Variants in AGBL4 observed in about 807,000 individuals in gnomAD.
AGBL4 encodes cytosolic carboxypeptidase 6.
In AGBL4, 58 loss-of-function variants were observed where a neutral mutation model predicts 66.4. The ratio of observed to expected loss-of-function variants is 0.87; its 90% CI spans 0.71 to 1.09. The LOEUF (loss-of-function observed/expected upper bound fraction) is 1.09. AGBL4 is among the 50% of genes least tolerant of loss of function. AGBL4 has a pLI of 0.00. For missense variants in AGBL4, 579 were observed against 631.0 expected, an observed-to-expected ratio of 0.92 and a Z score of 0.88; for synonymous variants, 234 against 222.9, an observed-to-expected ratio of 1.05 and a Z score of -0.44.
At chr1:49,437,901 A>G (rs115706931) in intron 3 of AGBL4, among the ~76,000 whole-genome samples, 1,663 of 152,218 alleles carry the variant, frequency 0.011, 27 homozygotes, top group African/African-American at 0.038. Context: ...TAAACAGTAT[A>G]TCTTATATTT....
intron 3 of AGBL4, among the ~76,000 whole-genome samples, chr1:49,562,260 C>T (rs2148855681): frequency 6.6e-6 from 1 of 152,142 alleles, no homozygotes; most frequent in East Asian, 1.9e-4. Context: ...CTGTAGGTTG[C>T]CTGTTCACTC....
chr1:49,941,075 G>A (rs998188991), intron 1 of AGBL4, among the ~76,000 whole-genome samples: 4 of 152,000 alleles, frequency 2.6e-5, no homozygotes, highest in Non-Finnish European at 5.9e-5. Context: ...AGGAGAAACT[G>A]GTAATCCCTA....
intron 4 of AGBL4, among the ~76,000 whole-genome samples, chr1:49,177,957 G>A (rs1419576529): frequency 6.6e-6 from 1 of 152,110 alleles, no homozygotes; most frequent in Non-Finnish European, 1.5e-5. Context: ...ACATCTTCAG[G>A]TTTCACATGG....
chr1:49,939,651 T>C (rs1241039733), intron 1 of AGBL4, among the ~76,000 whole-genome samples: 3 of 152,322 alleles, frequency 2.0e-5, no homozygotes, highest in African/African-American at 4.8e-5. Flanking sequence ...GCTAGCCATA[T>C]GTAGAAAGCT....
chr1:48,793,144 G>A (rs1349535615), intron 6 of AGBL4, among the ~76,000 whole-genome samples: 1 of 152,166 alleles, frequency 6.6e-6, no homozygotes. Context: ...CTCTCCAGCT[G>A]TGTCTCTAGG....
At chr1:49,335,728 G>A (rs1010386090) in intron 3 of AGBL4, among the ~76,000 whole-genome samples, 6 of 152,060 alleles carry the variant, frequency 3.9e-5, no homozygotes, top group African/African-American at 1.4e-4. Flanking sequence ...TGTTAGTCAG[G>A]ATGGTCTCAA....
chr1:48,771,569 A>G (rs1179842654), intron 6 of AGBL4, among the ~76,000 whole-genome samples: 1 of 152,236 alleles, frequency 6.6e-6, no homozygotes, highest in East Asian at 1.9e-4. Context: ...ACAGCAGGCA[A>G]TTTCCAATCT....
chr1:49,931,263 T>C (rs1321619983), intron 1 of AGBL4, among the ~76,000 whole-genome samples: 10 of 152,124 alleles, frequency 6.6e-5, no homozygotes, highest in Non-Finnish European at 1.5e-4. Flanking sequence ...CTTAAATAAA[T>C]GAAGATATAC....
intron 3 of AGBL4, among the ~76,000 whole-genome samples, chr1:49,406,228 T>C (rs1466595131): frequency 6.6e-6 from 1 of 152,220 alleles, no homozygotes; most frequent in Non-Finnish European, 1.5e-5. Context: ...TATTTTGTAG[T>C]GACTCTTAAA....
intron 1 of AGBL4, among the ~76,000 whole-genome samples, chr1:50,012,900 A>G (rs1661660338): frequency 6.6e-6 from 1 of 152,210 alleles, no homozygotes; most frequent in Non-Finnish European, 1.5e-5. Flanking sequence ...GTAAGGATGT[A>G]CAAATAATAA....
chr1:49,044,230 G>T (rs1272217338), intron 5 of AGBL4, among the ~76,000 whole-genome samples: 1 of 152,094 alleles, frequency 6.6e-6, no homozygotes, highest in Non-Finnish European at 1.5e-5. Context: ...GGGTACGGTG[G>T]CTCACATCTG....
chr1:49,337,501 A>T lies in AGBL4; in HGVS notation c.283-91637T>A, dbSNP rs575114251. Reference sequence around the variant, plus strand: ...GGCAGTCAGGATTGTCAGTTAACAGATGGGAATCTTGCTCTTGGAGCACTT... The same window carrying T: ...GGCAGTCAGGATTGTCAGTTAACAGTTGGGAATCTTGCTCTTGGAGCACTT... On this transcript the variant is annotated intron_variant, in intron 3 of 13. Coordinates refer to ENST00000371839, the MANE Select transcript of AGBL4 (RefSeq NM_032785.4). 5.9e-5 allele frequency among the ~76,000 whole-genome samples: 9 copies of T among 152,278 alleles called. No homozygotes were observed. The South Asian group carries it at 1.7e-3, about 28-fold the overall frequency.
At chr1:49,707,181 C>T (rs1157385784) in intron 2 of AGBL4, among the ~76,000 whole-genome samples, 5 of 151,902 alleles carry the variant, frequency 3.3e-5, no homozygotes, top group Non-Finnish European at 2.9e-5. Flanking sequence ...GGGAGTCTGT[C>T]TCTTTGTAGG....
At chr1:48,708,496 T>A (rs537293871) in intron 6 of AGBL4, among the ~76,000 whole-genome samples, 1 of 151,982 alleles carries the variant, frequency 6.6e-6, no homozygotes, top group South Asian at 2.1e-4. Flanking sequence ...AGAAGGACAG[T>A]GGGATGACAG....
At chr1:49,170,173 A>G (rs4620583) in intron 4 of AGBL4, among the ~76,000 whole-genome samples, 123 of 144,192 alleles carry the variant, frequency 8.5e-4, no homozygotes, top group African/African-American at 2.2e-3. Flanking sequence ...ATATAAATAT[A>G]TTATAAATTT....
chr1:48,931,588 T>A (rs1361392183), intron 5 of AGBL4, among the ~76,000 whole-genome samples: 3 of 152,152 alleles, frequency 2.0e-5, no homozygotes, highest in African/African-American at 7.2e-5. Context: ...GGTGTGATCA[T>A]GACTAACTGC....
intron 4 of AGBL4, among the ~76,000 whole-genome samples, chr1:49,141,479 T>C (rs965770475): frequency 6.6e-6 from 1 of 152,164 alleles, no homozygotes; most frequent in Admixed American, 6.5e-5. Flanking sequence ...ATGGTGCTTA[T>C]CCTTGCAGAA....
intron 4 of AGBL4, among the ~76,000 whole-genome samples, chr1:49,207,826 G>A (rs1025007911): frequency 4.6e-5 from 7 of 151,588 alleles, no homozygotes; most frequent in South Asian, 4.2e-4. Flanking sequence ...GGGCTTAAGC[G>A]ATCCTCCCAC....
At chr1:49,997,959 T>C (rs375074467) in intron 1 of AGBL4, among the ~76,000 whole-genome samples, 5 of 151,910 alleles carry the variant, frequency 3.3e-5, no homozygotes, top group Non-Finnish European at 7.4e-5. Flanking sequence ...TGAATGATCA[T>C]TGGGTCAACA....
Sources: allele counts gnomAD v4.1 joint callset (sites outside exome capture counted in the v4.1 genomes callset), GRCh38; gene constraint gnomAD v4.1.1; transcripts MANE v1.5; gene names NCBI Gene and HGNC (gene_info 2026-07-23, HGNC 2026-07-21).